The following SYNJ2 variants were observed in gnomAD, a reference collection of about 807,000 sequenced individuals.
SYNJ2 encodes the protein synaptojanin 2.
In SYNJ2, 116 loss-of-function variants were observed where a neutral mutation model predicts 141.3. The observed-to-expected ratio is 0.82, with a 90% confidence interval of 0.71 to 0.96. The LOEUF (loss-of-function observed/expected upper bound fraction) is 0.96. SYNJ2 is among the 40% of genes least tolerant of loss of function. The probability of loss-of-function intolerance (pLI) is 0.00; values close to 1 mark genes in which losing one functional copy is unlikely to be tolerated. For synonymous variants in SYNJ2, 745 were observed against 777.7 expected, an observed-to-expected ratio of 0.96 and a Z score of 0.70; for missense variants, 1,873 against 1,934.8, an observed-to-expected ratio of 0.97 and a Z score of 0.60.
chr6:158,007,413 A>T (rs1489782150), intron 1 of SYNJ2, among the ~76,000 whole-genome samples: 1 of 152,176 alleles, frequency 6.6e-6, no homozygotes, highest in African/African-American at 2.4e-5. Flanking sequence ...GTCCCAGCAG[A>T]TGCTCTGCCC....
At chr6:158,073,767 G>A (rs1782088643) in intron 15 of SYNJ2, among the ~76,000 whole-genome samples, 1 of 152,032 alleles carries the variant, frequency 6.6e-6, no homozygotes, top group Admixed American at 6.5e-5. Context: ...TTATTGTCAT[G>A]GGGGGAGTGG....
intron 2 of SYNJ2, among the ~76,000 whole-genome samples, chr6:158,021,662 C>T (rs915911461): frequency 3.3e-5 from 5 of 152,082 alleles, no homozygotes; most frequent in Non-Finnish European, 5.9e-5. Flanking sequence ...GTGGGGGGCT[C>T]CTCTGCACAG....
chr6:158,020,787 A>G (rs930138006), intron 2 of SYNJ2, among the ~76,000 whole-genome samples: 4 of 152,256 alleles, frequency 2.6e-5, no homozygotes, highest in African/African-American at 9.6e-5. Flanking sequence ...TTAGCTAAGC[A>G]TCTCTGCGCA....
chr6:158,073,681 G>T (rs967389004), intron 15 of SYNJ2, among the ~76,000 whole-genome samples: 4 of 152,220 alleles, frequency 2.6e-5, no homozygotes, highest in Admixed American at 1.3e-4. Flanking sequence ...TTTCGGTGCT[G>T]CAGAAAGTTC....
At chr6:158,095,512 G>T in intron 26 of SYNJ2, 106 bp from the exon 27 acceptor site, 1 of 1,389,342 alleles carries the variant, frequency 7.2e-7, no homozygotes, top group East Asian at 2.4e-5. Flanking sequence ...TTGCTAGAAT[G>T]TCAGCTTGGT....
chr6:158,082,311 A>AC (rs1782744813), intron 20 of SYNJ2, among the ~76,000 whole-genome samples: 1 of 152,026 alleles, frequency 6.6e-6, no homozygotes, highest in Admixed American at 6.5e-5. Flanking sequence ...ACATAGTGAA[A>AC]CCCCGTCTCC....
intron 5 of SYNJ2, among the ~76,000 whole-genome samples, chr6:158,049,005 A>AGG (rs1780408260): frequency 6.6e-6 from 1 of 152,068 alleles, no homozygotes; most frequent in South Asian, 2.1e-4. Context: ...ATTTTTGGGT[A>AGG]ACCTTAAGTC....
intron 1 of SYNJ2, among the ~76,000 whole-genome samples, chr6:158,010,403 A>G (rs894940796): frequency 1.3e-5 from 2 of 152,128 alleles, no homozygotes; most frequent in Non-Finnish European, 2.9e-5. Flanking sequence ...GGAGTGCTGG[A>G]GGTGGGCAGT....
chr6:158,082,825 G>A (rs6915799), intron 20 of SYNJ2, among the ~76,000 whole-genome samples: 84,695 of 152,100 alleles, frequency 0.56, 24,316 homozygotes, highest in African/African-American at 0.71. Flanking sequence ...GACTATTCCA[G>A]TCTTTCTCTT....
rs772360514 is a variant in SYNJ2 at position 158,095,901 on chromosome 6, C to G, written c.4028C>G (p.Ala1343Gly). 1.2e-6 allele frequency: 2 copies of G among 1,614,148 alleles called. No homozygotes were observed. Among genetic ancestry groups the G allele is most frequent in the South Asian group, 2.2e-5 (2 of 91,078 alleles). The change falls in exon 27 of 27, where the codon GCC (alanine) becomes GGC (glycine). Residue 1343 changes from alanine (A) to glycine (G), a missense_variant. Ala to Gly is a moderately conservative substitution (Grantham distance 60, BLOSUM62 0). Transcript: ENST00000355585. The part of the protein sequence containing the change: ...PPRRKKSAPA[A>G]FHLQVLQSNS... ...AGGAGGAAGAAGTCAGCCCCCGCAGCCTTCCACCTGCAGGTCCTGCAGAGC... is the reference window on the plus strand; with the variant it reads ...AGGAGGAAGAAGTCAGCCCCCGCAGGCTTCCACCTGCAGGTCCTGCAGAGC...
chr6:158,061,394 T>C (rs1036872223), intron 7 of SYNJ2, among the ~76,000 whole-genome samples: 1 of 152,184 alleles, frequency 6.6e-6, no homozygotes, highest in Non-Finnish European at 1.5e-5. Flanking sequence ...GGCATCCTGG[T>C]GCCATCAGCA....
At chr6:158,078,027 G>A in intron 17 of SYNJ2, 137 bp from the exon 18 acceptor site, 3 of 640,644 alleles carry the variant, frequency 4.7e-6, no homozygotes, top group Non-Finnish European at 8.4e-6. Flanking sequence ...TGGCTTCAAG[G>A]TGGAGGAGTA....
chr6:158,088,705 C>G lies in SYNJ2; in HGVS notation c.3389C>G (p.Ser1130Cys). Reference protein sequence around the residue: ...KKSASDASISSGTHGQYSILQ... With the variant: ...KKSASDASISCGTHGQYSILQ... Reference sequence around the variant, plus strand: ...TCGGCTTCAGATGCGTCCATCTCCTCCGGCACCCATGGACAGTATTCAATT... The same window carrying G: ...TCGGCTTCAGATGCGTCCATCTCCTGCGGCACCCATGGACAGTATTCAATT... Residue 1130 changes from serine (S) to cysteine (C), a missense_variant, in exon 24 of 27, where the codon TCC (serine) becomes TGC (cysteine). Transcript: ENST00000355585. 1 of 1,614,104 alleles carries G rather than the reference C, an allele frequency of 6.2e-7. No homozygotes were observed. The highest frequency in any genetic ancestry group is 1.7e-4 in the Middle Eastern group (1 of 6,058).
In SYNJ2 at chr6:158,063,233, A is replaced by G. The variant is rs11964158; in HGVS notation, c.1128-558A>G. ...AACATAATTGCTATAAATAACAAGG[A>G]CCAGCTAAACGTAAAACGACCCAGC... On this transcript the variant is annotated intron_variant, in intron 8 of 26. Transcript: ENST00000355585. Among the ~76,000 whole-genome samples, 407 of 152,308 alleles carry G rather than the reference A, an allele frequency of 2.7e-3. 2 individuals carry two copies. Among genetic ancestry groups the G allele is most frequent in the African/African-American group, 9.3e-3 (387 of 41,570 alleles).
chr6:158,028,970 T>C lies in SYNJ2; in HGVS notation c.429T>C (p.Thr143=). 1.9e-6 allele frequency: 3 copies of C among 1,613,964 alleles called. No individual in the cohort carries two copies. Among genetic ancestry groups the C allele is most frequent in the Non-Finnish European group, 2.5e-6 (3 of 1,179,996 alleles). The change falls in exon 3 of 27, where the codon ACT becomes ACC. Residue 143 remains threonine, a synonymous_variant. Coordinates refer to ENST00000355585, the MANE Select transcript of SYNJ2 (RefSeq NM_003898.4). ...WPNDGSRFDL[T]VRTQKQGDDS... ...ACGATGGGTCTCGCTTTGACCTGAC[T>C]GTCCGCACGCAGAAGCAGGGGGATG...
Position 158,043,318 on chromosome 6 carries a change from G to T in SYNJ2, c.714G>T (p.Met238Ile). 1 of 1,613,932 alleles carries T rather than the reference G, an allele frequency of 6.2e-7. No individual in the cohort carries two copies. The highest frequency in any genetic ancestry group is 8.5e-7 in the Non-Finnish European group (1 of 1,179,810). The stretch of plus-strand genomic sequence containing the variant: ...CTTTCTGTTTCCTTGTGCCGCAGAT[G>T]ATTTACATGGACGATGGAGTGTCAT... The part of the protein sequence containing the change: ...HVSNFVETEQ[M>I]IYMDDGVSSF... The change falls in exon 5 of 27, where the codon ATG becomes ATT. Residue 238 changes from methionine to isoleucine, a missense_variant and splice_region_variant. Met to Ile is a conservative substitution (Grantham distance 10). Coordinates refer to ENST00000355585, the MANE Select transcript of SYNJ2 (RefSeq NM_003898.4). The surrounding 1 kb of genome is among the most constrained non-coding windows in gnomAD (Gnocchi z 4.0).
At position 158,015,799 on chromosome 6, in the gene SYNJ2, A is replaced by C. The variant is rs185678203; in HGVS notation, c.128-1405A>C. Among the ~76,000 whole-genome samples, 500 of 152,304 alleles carry C rather than the reference A, an allele frequency of 3.3e-3. 2 individuals are homozygous for C. Among genetic ancestry groups the C allele is most frequent in the Non-Finnish European group, 5.2e-3 (354 of 68,030 alleles). On this transcript the variant is annotated intron_variant, in intron 1 of 26. Coordinates refer to ENST00000355585, the MANE Select transcript of SYNJ2 (RefSeq NM_003898.4). ...ATTTTTTAAAAATTTTGATAACTAGATTTCAATAAGATTGGTATTTGTGAT... is the reference window on the plus strand; with the variant it reads ...ATTTTTTAAAAATTTTGATAACTAGCTTTCAATAAGATTGGTATTTGTGAT...
intron 1 of SYNJ2, among the ~76,000 whole-genome samples, chr6:158,004,116 C>A (rs923118185): frequency 6.6e-6 from 1 of 152,154 alleles, no homozygotes; most frequent in African/African-American, 2.4e-5. Context: ...CGAAAGGGAA[C>A]CAGCTCAGTT....
Position 158,070,235 on chromosome 6 carries a change from T to C in SYNJ2, c.1940+562T>C, listed in dbSNP as rs1272124975. 1.0e-6 allele frequency: 1 copy of C among 985,398 alleles called. No homozygotes were observed. The highest frequency in any genetic ancestry group is 1.1e-4 in the East Asian group (1 of 8,834). 61.0% of individuals were successfully genotyped at this position (985,398 alleles called of 1,614,324 possible). ...TCCCCAGCTTGTGGTTGGCCTCATC[T>C]TACCACCTGGGCCTACCCATGGCTT... On this transcript the variant is annotated intron_variant, in intron 14 of 26. Coordinates refer to ENST00000355585, the MANE Select transcript of SYNJ2 (RefSeq NM_003898.4). This position sits in a 1 kb window ranked among gnomAD's most constrained non-coding sequence, Gnocchi z 4.0.
Sources: gnomAD v4.1 joint callset for allele counts (sites outside exome capture counted in the v4.1 genomes callset) on GRCh38, gnomAD v4.1.1 for gene constraint, Gnocchi (gnomAD v3.1) non-coding constraint, MANE v1.5 for transcripts, NCBI Gene and HGNC (gene_info 2026-07-23, HGNC 2026-07-21) for gene names.